GPLD1: variants seen among roughly 807,000 people sequenced by gnomAD.
GPLD1 encodes the protein phosphatidylinositol-glycan-specific phospholipase D.
A neutral mutation model predicts 112.6 loss-of-function variants in GPLD1; 84 were observed. That is an observed-to-expected ratio of 0.75 (90% CI 0.63 to 0.89). The LOEUF (loss-of-function observed/expected upper bound fraction) is 0.89. Among genes scored for constraint, GPLD1 ranks in the 40% least tolerant of loss-of-function variants. GPLD1 has a pLI of 0.00. For synonymous variants in GPLD1, 386 were observed against 403.8 expected, an observed-to-expected ratio of 0.96 and a Z score of 0.53; for missense variants, 1,044 against 1,051.5, an observed-to-expected ratio of 0.99 and a Z score of 0.10.
chr6:24,455,632 G>C (rs1285410103), intron 13 of GPLD1, among the ~76,000 whole-genome samples: 1 of 152,078 alleles, frequency 6.6e-6, no homozygotes, highest in African/African-American at 2.4e-5. Flanking sequence ...TGGTATACCA[G>C]CTTTTACCAT....
At chr6:24,452,017 T>C (rs771836829) in intron 14 of GPLD1, among the ~76,000 whole-genome samples, 4 of 152,092 alleles carry the variant, frequency 2.6e-5, no homozygotes, top group Non-Finnish European at 5.9e-5. Flanking sequence ...TAAACCTTCA[T>C]TGTATCAATG....
chr6:24,458,396 C>T (rs1763332344), intron 12 of GPLD1, among the ~76,000 whole-genome samples: 1 of 152,188 alleles, frequency 6.6e-6, no homozygotes, highest in Non-Finnish European at 1.5e-5. Context: ...TACTATATGC[C>T]AGGTACCACA....
rs570132841 is a variant in GPLD1 at position 24,440,151 on chromosome 6, G to A, written c.2021-2862C>T. On this transcript the variant is annotated intron_variant, in intron 20 of 24. Transcript: ENST00000230036. ...TCATCTTGTAATGTGGTTCATATTT[G>A]TGTCTCAGAAAAACTATAAACTTGC... Among the ~76,000 whole-genome samples, 5 of 152,264 alleles carry A rather than the reference G, an allele frequency of 3.3e-5. No homozygotes were observed. In the South Asian group the frequency reaches 1.0e-3, roughly 32 times the overall value.
At chr6:24,470,252 C>A (rs549488948) in intron 7 of GPLD1, among the ~76,000 whole-genome samples, 1 of 152,156 alleles carries the variant, frequency 6.6e-6, no homozygotes, top group East Asian at 1.9e-4. Flanking sequence ...TGGAATATCA[C>A]CAAACATGAC....
chr6:24,448,155 A>AG lies in GPLD1; in HGVS notation c.1499dup (p.Asn501Ter), dbSNP rs1561836659. Reference sequence around the variant, plus strand: ...ATACCTGGCAAGAAATGGTGATGTTAGGGGAAGAAGACATTCCTCCTTGTT... The same window carrying AG: ...ATACCTGGCAAGAAATGGTGATGTTAGGGGGAAGAAGACATTCCTCCTTGTT... On this transcript the variant is annotated frameshift_variant, in exon 16 of 25. Coordinates refer to ENST00000230036, the MANE Select transcript of GPLD1 (RefSeq NM_001503.4). LOFTEE classifies it high-confidence loss of function. 1 of 1,611,606 alleles carries AG rather than the reference A, an allele frequency of 6.2e-7. No individual in the cohort carries two copies. Among genetic ancestry groups the AG allele is most frequent in the East Asian group, 2.2e-5 (1 of 44,804 alleles).
rs778190478 is a variant in GPLD1, at chr6:24,475,120, C to A, written c.441+1G>T. 2 of 1,503,824 alleles carry A rather than the reference C, an allele frequency of 1.3e-6. No homozygotes were observed. The highest frequency in any genetic ancestry group is 3.3e-5 in the Admixed American group (2 of 59,888). The allele number at this position is 1,503,824 out of a possible 1,614,324, so 93.2% of individuals were successfully genotyped here. ...CATTCCCCATAAAGGGATGTACTCA[C>A]AGCTCCCATGGTCCTAAGGAATCCT... On this transcript the variant is annotated splice_donor_variant, in intron 5 of 24. Transcript: ENST00000230036. LOFTEE classifies it high-confidence loss of function.
intron 6 of GPLD1, 63 bp downstream of exon 6, chr6:24,473,556 T>C (rs9461026): frequency 0.025 from 24,350 of 967,928 alleles, 1,843 homozygotes; most frequent in African/African-American, 0.23. Flanking sequence ...TAAAGCACAG[T>C]AGTGATGTCA....
In GPLD1 at chr6:24,427,147, AG is replaced by A. The variant is rs1178688580; in HGVS notation, c.*1884del. 6.6e-6 allele frequency among the ~76,000 whole-genome samples: 1 copy of A among 152,206 alleles called. No individual in the cohort carries two copies. Among genetic ancestry groups the A allele is most frequent in the Non-Finnish European group, 1.5e-5 (1 of 68,032 alleles). On this transcript the variant is annotated 3_prime_UTR_variant, in exon 25 of 25. Coordinates refer to ENST00000230036, the MANE Select transcript of GPLD1 (RefSeq NM_001503.4). ...TTCCCAATTTAACACAAAATAAACT[AG>A]TTACTGTTTACAGATAATGCCCGCT...
At chr6:24,434,837 CAA>C (rs747085341) in intron 22 of GPLD1, among the ~76,000 whole-genome samples, 6 of 65,458 alleles carry the variant, frequency 9.2e-5, no homozygotes, top group Admixed American at 1.6e-4. Flanking sequence ...GACTCCGTCT[CAA>C]AAAAAAAAAA....
intron 2 of GPLD1, among the ~76,000 whole-genome samples, 177 bp from the exon 3 acceptor site, chr6:24,480,136 C>T (rs1488749719): frequency 6.6e-6 from 1 of 152,088 alleles, no homozygotes; most frequent in Non-Finnish European, 1.5e-5. Flanking sequence ...ACACATAATC[C>T]AAGACAAAAC....
chr6:24,457,348 G>A (rs892274890), intron 12 of GPLD1, among the ~76,000 whole-genome samples: 3 of 151,896 alleles, frequency 2.0e-5, no homozygotes, highest in Non-Finnish European at 2.9e-5. Context: ...GAGTGTGGTG[G>A]AGCGTGCCTG....
intron 10 of GPLD1, among the ~76,000 whole-genome samples, chr6:24,463,653 T>C (rs1219315714): frequency 6.6e-6 from 1 of 152,240 alleles, no homozygotes; most frequent in East Asian, 1.9e-4. Context: ...GTAGAGTTCT[T>C]GGCAATGTAA....
At chr6:24,493,471 CG>C (rs1209961089), upstream of GPLD1, among the ~76,000 whole-genome samples, 6 of 152,000 alleles carry the variant, frequency 3.9e-5, no homozygotes, top group Admixed American at 1.3e-4. Context: ...ATGAGTCTGT[CG>C]GTCTCACAAG....
At chr6:24,447,058 T>A in intron 17 of GPLD1, 79 bp from the exon 18 acceptor site, 1 of 1,327,772 alleles carries the variant, frequency 7.5e-7, no homozygotes, top group Non-Finnish European at 1.1e-6. Context: ...GTCCTTCTCG[T>A]AGCCTAATAG....
At chr6:24,494,839 GA>G in intron 1 of GPLD1, 1 of 820,074 alleles carries the variant, frequency 1.2e-6, no homozygotes, top group Non-Finnish European at 1.6e-6. Flanking sequence ...GACGCGGAGA[GA>G]GGGCGCTGCT....
chr6:24,478,953 G>A (rs1057230043), intron 3 of GPLD1, among the ~76,000 whole-genome samples: 1 of 152,148 alleles, frequency 6.6e-6, no homozygotes, highest in African/African-American at 2.4e-5. Context: ...GATAATGACA[G>A]AGCAGAAGCA....
Position 24,448,019 on chromosome 6 carries a change from G to A in GPLD1, c.1536C>T (p.Asn512=). 7 of 1,613,682 alleles carry A rather than the reference G, an allele frequency of 4.3e-6. No homozygotes were observed. The highest frequency in any genetic ancestry group is 5.9e-6 in the Non-Finnish European group (7 of 1,179,938). ...ITISCQDIYC[N]LGWTLLAADV... is the part of the protein sequence containing the mutation. ...CTGCAGCCAAGAGAGTCCAGCCCAAGTTACAGTAGATGTCCTTAAGAAGAA... is the reference window on the plus strand; with the variant it reads ...CTGCAGCCAAGAGAGTCCAGCCCAAATTACAGTAGATGTCCTTAAGAAGAA... Residue 512 remains asparagine (N), a synonymous_variant, in exon 17 of 25, where the codon AAC becomes AAT. Coordinates refer to ENST00000230036, the MANE Select transcript of GPLD1 (RefSeq NM_001503.4).
At chr6:24,439,113 G>C (rs1402318030) in intron 20 of GPLD1, among the ~76,000 whole-genome samples, 1 of 152,114 alleles carries the variant, frequency 6.6e-6, no homozygotes, top group Non-Finnish European at 1.5e-5. Context: ...CCTCCTAAAG[G>C]AACCATGAGC....
At chr6:24,464,184 G>T (rs1364489245) in intron 10 of GPLD1, among the ~76,000 whole-genome samples, 1 of 152,192 alleles carries the variant, frequency 6.6e-6, no homozygotes, top group East Asian at 1.9e-4. Context: ...CTTAGTAAGT[G>T]CTTACTCTAT....
Sources: gnomAD v4.1 joint callset for allele counts (sites outside exome capture counted in the v4.1 genomes callset) on GRCh38, gnomAD v4.1.1 for gene constraint, MANE v1.5 for transcripts, NCBI Gene and HGNC (gene_info 2026-07-23, HGNC 2026-07-21) for gene names.